PTPRG: variants seen among roughly 807,000 people sequenced by gnomAD.
The protein encoded by PTPRG is protein tyrosine phosphatase receptor type G.
Under a neutral mutation model 165.3 loss-of-function variants are expected in PTPRG, and 102 were observed. The observed-to-expected ratio is 0.62, with a 90% CI of 0.53 to 0.73. PTPRG has a LOEUF of 0.73. Among genes scored for constraint, PTPRG ranks in the 30% least tolerant of loss-of-function variants. PTPRG has a pLI of 0.00. For missense variants in PTPRG, 1,866 were observed against 1,861.4 expected, an observed-to-expected ratio of 1.00 and a Z score of -0.05; for synonymous variants, 675 against 669.5, an observed-to-expected ratio of 1.01 and a Z score of -0.13.
intron 1 of PTPRG, among the ~76,000 whole-genome samples, chr3:61,719,286 A>T (rs2031948446): frequency 2.0e-5 from 3 of 152,206 alleles, no homozygotes; most frequent in African/African-American, 7.2e-5. Context: ...CCTGGGCTTA[A>T]TTTTTTTAAT....
At chr3:62,175,474 C>T (rs1467699613) in intron 8 of PTPRG, among the ~76,000 whole-genome samples, 1 of 152,170 alleles carries the variant, frequency 6.6e-6, no homozygotes. Flanking sequence ...AAAAGAAAGT[C>T]TGGGAAGAGG....
intron 2 of PTPRG, among the ~76,000 whole-genome samples, chr3:61,870,245 T>A (rs1410286254): frequency 6.6e-6 from 1 of 152,110 alleles, no homozygotes; most frequent in Non-Finnish European, 1.5e-5. Flanking sequence ...GGGAACTATA[T>A]AAAAATAAGT....
chr3:62,146,882 A>G (rs184232476), intron 6 of PTPRG, among the ~76,000 whole-genome samples: 2 of 152,286 alleles, frequency 1.3e-5, no homozygotes, highest in Non-Finnish European at 2.9e-5. Flanking sequence ...TAGTTTGCCC[A>G]CTTTTGACTT....
At chr3:62,122,328 A>C (rs1279234796) in intron 5 of PTPRG, among the ~76,000 whole-genome samples, 1 of 152,220 alleles carries the variant, frequency 6.6e-6, no homozygotes, top group East Asian at 1.9e-4. Context: ...ATCAGGCAGC[A>C]AACCCCTTCC....
At chr3:62,157,302 T>C in intron 7 of PTPRG, 78 bp downstream of exon 7, 1 of 1,432,484 alleles carries the variant, frequency 7.0e-7, no homozygotes, top group Non-Finnish European at 9.6e-7. Flanking sequence ...GGCTAGAGTA[T>C]ACCACTAAGG....
At chr3:61,918,243 G>C (rs1477351341) in intron 2 of PTPRG, among the ~76,000 whole-genome samples, 1 of 152,120 alleles carries the variant, frequency 6.6e-6, no homozygotes, top group Admixed American at 6.6e-5. Context: ...GTGAAAGTGA[G>C]GCATTCTCAG....
At chr3:61,581,766 C>A (rs569946825) in intron 1 of PTPRG, among the ~76,000 whole-genome samples, 1 of 151,778 alleles carries the variant, frequency 6.6e-6, no homozygotes, top group African/African-American at 2.4e-5. Flanking sequence ...CGCGCCACCA[C>A]GCCCAGCTAA....
intron 1 of PTPRG, among the ~76,000 whole-genome samples, chr3:61,709,522 C>G (rs2031444862): frequency 6.6e-6 from 1 of 152,052 alleles, no homozygotes; most frequent in Non-Finnish European, 1.5e-5. Context: ...GCCATGTTGG[C>G]CAGGCTGGTC....
intron 2 of PTPRG, among the ~76,000 whole-genome samples, chr3:61,887,815 AG>A (rs2038095049): frequency 6.6e-6 from 1 of 152,224 alleles, no homozygotes. Context: ...TTATTCTTAA[AG>A]AAAAATTAAT....
At chr3:61,914,075 C>A (rs542895366) in intron 2 of PTPRG, among the ~76,000 whole-genome samples, 1 of 152,328 alleles carries the variant, frequency 6.6e-6, no homozygotes, top group East Asian at 1.9e-4. Flanking sequence ...TATGTCCCAT[C>A]TGAGTGGAAA....
At chr3:61,913,578 G>A (rs1479411526) in intron 2 of PTPRG, among the ~76,000 whole-genome samples, 1 of 152,118 alleles carries the variant, frequency 6.6e-6, no homozygotes, top group East Asian at 1.9e-4. Context: ...GTATGTGTAT[G>A]CACTCATATG....
chr3:61,909,087 T>C (rs2038732931), intron 2 of PTPRG, among the ~76,000 whole-genome samples: 1 of 152,236 alleles, frequency 6.6e-6, no homozygotes, highest in South Asian at 2.1e-4. Context: ...ATGGCAAGGC[T>C]ATTCTTGGTT....
chr3:61,982,967 A>G (rs1210079042), intron 2 of PTPRG, among the ~76,000 whole-genome samples: 4 of 152,208 alleles, frequency 2.6e-5, no homozygotes, highest in African/African-American at 2.4e-5. Flanking sequence ...TATGAAATGG[A>G]GTACTGCAGT....
At chr3:62,153,973 G>A (rs2366687) in intron 6 of PTPRG, among the ~76,000 whole-genome samples, 3,948 of 152,316 alleles carry the variant, frequency 0.026, 76 homozygotes, top group South Asian at 0.062. Context: ...ATTCCCTGAA[G>A]AAAGAATCCC....
rs1455089642 is a variant in PTPRG, at chr3:62,222,969, T to G, written c.2288+3986T>G. 1.3e-5 allele frequency among the ~76,000 whole-genome samples: 2 copies of G among 152,098 alleles called. No homozygotes were observed. The highest frequency in any genetic ancestry group is 4.8e-5 in the African/African-American group (2 of 41,412). On this transcript the variant is annotated intron_variant, in intron 13 of 29. Coordinates refer to ENST00000474889, the MANE Select transcript of PTPRG (RefSeq NM_002841.4). The surrounding 1 kb of genome is among the most constrained non-coding windows in gnomAD (Gnocchi z 4.5). ...GGAAGGGCTTCAGCCCAACCTGGAATAGGGGTTGGGGTCAGGGAAAGCTCC... is the reference window on the plus strand; with the variant it reads ...GGAAGGGCTTCAGCCCAACCTGGAAGAGGGGTTGGGGTCAGGGAAAGCTCC...
chr3:61,706,344 T>C (rs951289019), intron 1 of PTPRG, among the ~76,000 whole-genome samples: 3 of 152,072 alleles, frequency 2.0e-5, no homozygotes, highest in Non-Finnish European at 2.9e-5. Flanking sequence ...TTGGAACATA[T>C]ATAGTGAGAT....
At chr3:61,824,411 G>C (rs530629317) in intron 2 of PTPRG, among the ~76,000 whole-genome samples, 4 of 152,280 alleles carry the variant, frequency 2.6e-5, no homozygotes, top group Non-Finnish European at 4.4e-5. Flanking sequence ...TACTCATGTA[G>C]GATAGGTGGA....
intron 1 of PTPRG, among the ~76,000 whole-genome samples, chr3:61,563,310 C>G (rs964376474): frequency 1.3e-5 from 2 of 152,172 alleles, no homozygotes; most frequent in Non-Finnish European, 2.9e-5. Context: ...AAGACAGGAA[C>G]AATACTGGCC....
At chr3:62,167,416 T>A (rs948940429) in intron 7 of PTPRG, among the ~76,000 whole-genome samples, 1 of 152,238 alleles carries the variant, frequency 6.6e-6, no homozygotes, top group Non-Finnish European at 1.5e-5. Context: ...GGAACTGTTT[T>A]AAGCACTGTA....
Sources: gnomAD v4.1 joint callset for allele counts (sites outside exome capture counted in the v4.1 genomes callset) on GRCh38, gnomAD v4.1.1 for gene constraint, Gnocchi (gnomAD v3.1) non-coding constraint, MANE v1.5 for transcripts, NCBI Gene and HGNC (gene_info 2026-07-23, HGNC 2026-07-21) for gene names.